FRMD5: variants seen among roughly 807,000 people sequenced by gnomAD.
The protein encoded by FRMD5 is FERM domain containing 5, also known as FERM domain-containing protein 5.
A neutral mutation model predicts 69.0 loss-of-function variants in FRMD5; 20 were observed. The ratio of observed to expected loss-of-function variants is 0.29; its 90% CI spans 0.20 to 0.42. The LOEUF (loss-of-function observed/expected upper bound fraction) is 0.42, where lower values mean the gene tolerates loss of function less well. FRMD5 is among the 10% of genes least tolerant of loss of function. The pLI is 1.00. For missense variants in FRMD5, 595 were observed against 708.6 expected (o/e 0.84, Z 1.82); for synonymous variants, 271 against 260.1 (o/e 1.04, Z -0.40).
intron 1 of FRMD5, among the ~76,000 whole-genome samples, chr15:44,117,674 T>C (rs1052851960): frequency 6.6e-6 from 1 of 152,346 alleles, no homozygotes; most frequent in Non-Finnish European, 1.5e-5. Context: ...CTTCTTTGCA[T>C]GCAATTCTGC....
intron 1 of FRMD5, among the ~76,000 whole-genome samples, chr15:44,112,936 C>G (rs898804160): frequency 1.3e-5 from 2 of 152,166 alleles, no homozygotes; most frequent in East Asian, 3.9e-4. Context: ...CTTTATAAGT[C>G]TTCTATTAAA....
At chr15:44,084,606 TC>T (rs1894119947) in intron 1 of FRMD5, among the ~76,000 whole-genome samples, 1 of 152,140 alleles carries the variant, frequency 6.6e-6, no homozygotes, top group South Asian at 2.1e-4. Context: ...TTGTATATTA[TC>T]CACATGATAG....
At chr15:44,142,288 G>A (rs2077285904) in intron 1 of FRMD5, among the ~76,000 whole-genome samples, 1 of 152,134 alleles carries the variant, frequency 6.6e-6, no homozygotes, top group South Asian at 2.1e-4. Flanking sequence ...GCTCAGTTTT[G>A]GTTTAGCTTT....
At chr15:44,181,759 A>T (rs957102947) in intron 1 of FRMD5, among the ~76,000 whole-genome samples, 1 of 152,130 alleles carries the variant, frequency 6.6e-6, no homozygotes, top group African/African-American at 2.4e-5. Context: ...TTTAAAAATT[A>T]GCTGGGCTTG....
chr15:43,902,575 T>C (rs2089072793), intron 6 of FRMD5, among the ~76,000 whole-genome samples: 1 of 150,832 alleles, frequency 6.6e-6, no homozygotes, highest in Admixed American at 6.6e-5. Context: ...GCCCACTACT[T>C]GGGAGGCTGA....
At chr15:43,875,381 T>A (rs1427211268) in intron 13 of FRMD5, among the ~76,000 whole-genome samples, 1 of 140,800 alleles carries the variant, frequency 7.1e-6, no homozygotes, top group African/African-American at 2.6e-5. Flanking sequence ...TATATATATA[T>A]ATATATATAT....
At chr15:43,982,057 G>A (rs1039039394) in intron 1 of FRMD5, among the ~76,000 whole-genome samples, 1 of 152,164 alleles carries the variant, frequency 6.6e-6, no homozygotes, top group African/African-American at 2.4e-5. Flanking sequence ...TATAATGATG[G>A]CATCTCCAAT....
Position 44,106,848 on chromosome 15 carries a change from C to T in FRMD5, c.102+88105G>A, listed in dbSNP as rs145661917. ...TAGTTTGCTGATGAAATACATTAGC[C>T]ATTCTCAAACTTTTTGGTCTCAGGA... On this transcript the variant is annotated intron_variant, in intron 1 of 13. Transcript: ENST00000417257. 8.0e-3 allele frequency among the ~76,000 whole-genome samples: 1,225 copies of T among 152,296 alleles called. 16 individuals carry two copies. Among genetic ancestry groups the T allele is most frequent in the Non-Finnish European group, 0.012 (830 of 68,014 alleles).
At chr15:44,149,793 T>C (rs2077414323) in intron 1 of FRMD5, among the ~76,000 whole-genome samples, 2 of 152,130 alleles carry the variant, frequency 1.3e-5, no homozygotes, top group Admixed American at 6.5e-5. Flanking sequence ...ACAGTTCTCA[T>C]TCTCATTCTA....
At chr15:44,134,584 G>A (rs1395593600) in intron 1 of FRMD5, among the ~76,000 whole-genome samples, 2 of 152,106 alleles carry the variant, frequency 1.3e-5, no homozygotes, top group Non-Finnish European at 2.9e-5. Flanking sequence ...GAGTAGCTGG[G>A]ATTACAGGCG....
intron 1 of FRMD5, among the ~76,000 whole-genome samples, chr15:44,017,448 C>A (rs1037478710): frequency 6.6e-6 from 1 of 151,756 alleles, no homozygotes; most frequent in Non-Finnish European, 1.5e-5. Flanking sequence ...TAAGGCCTTT[C>A]AAATTTTATT....
rs778718292 is a variant in FRMD5 at position 43,990,743 on chromosome 15, A to T, written c.103-66434T>A. ...CATGGAAAATGAAGAGAAGATAATA[A>T]TAACAGGTAAGAGACTAAAAAAACT... On this transcript the variant is annotated intron_variant, in intron 1 of 13. Transcript: ENST00000417257. Among the ~76,000 whole-genome samples the T allele has an allele frequency of 3.5e-4, 54 of 152,326 alleles. No homozygotes were observed. The South Asian group carries it at 5.6e-3, about 16-fold the overall frequency.
At chr15:44,150,090 ATT>A (rs1398179924) in intron 1 of FRMD5, among the ~76,000 whole-genome samples, 3 of 152,226 alleles carry the variant, frequency 2.0e-5, no homozygotes, top group African/African-American at 7.2e-5. Context: ...GCATAAAACT[ATT>A]TGACAAAAAT....
At position 43,951,347 on chromosome 15, in the gene FRMD5, A is replaced by G. The variant is rs562575193; in HGVS notation, c.103-27038T>C. 5.3e-4 allele frequency among the ~76,000 whole-genome samples: 81 copies of G among 151,540 alleles called. 1 individual carries two copies. In the South Asian group the frequency reaches 0.016, roughly 30 times the overall value. On this transcript the variant is annotated intron_variant, in intron 1 of 13. Coordinates refer to ENST00000417257, the MANE Select transcript of FRMD5 (RefSeq NM_032892.5). Reference sequence around the variant, plus strand: ...TGAGGCAGGAGAATGGTGTGAACCCAGGAGGCGGCACTTGCAGTGAGCCAA... The same window carrying G: ...TGAGGCAGGAGAATGGTGTGAACCCGGGAGGCGGCACTTGCAGTGAGCCAA...
chr15:44,018,766 C>G (rs1224317161), intron 1 of FRMD5, among the ~76,000 whole-genome samples: 1 of 152,206 alleles, frequency 6.6e-6, no homozygotes, highest in Non-Finnish European at 1.5e-5. Context: ...CAAGCCAGCA[C>G]TGTCTCCTTG....
chr15:43,971,421 G>A (rs1302207018), intron 1 of FRMD5, among the ~76,000 whole-genome samples: 1 of 151,618 alleles, frequency 6.6e-6, no homozygotes, highest in African/African-American at 2.4e-5. Context: ...ATTTCTGCCT[G>A]GTGCGGTGGC....
chr15:44,175,319 T>A (rs957310896), intron 1 of FRMD5, among the ~76,000 whole-genome samples: 2 of 152,184 alleles, frequency 1.3e-5, no homozygotes, highest in Admixed American at 1.3e-4. Context: ...ATGAACTCTT[T>A]CAAGTCTCTT....
At chr15:44,196,065 C>T (rs1368675858), upstream of FRMD5, among the ~76,000 whole-genome samples, 1 of 152,190 alleles carries the variant, frequency 6.6e-6, no homozygotes, top group Non-Finnish European at 1.5e-5. Context: ...GAATTGTCTC[C>T]TTCTCTTTGT....
At chr15:44,148,674 T>A (rs2077396010) in intron 1 of FRMD5, among the ~76,000 whole-genome samples, 1 of 152,166 alleles carries the variant, frequency 6.6e-6, no homozygotes, top group African/African-American at 2.4e-5. Flanking sequence ...TGTGTAAGCA[T>A]TTTTAGCAAT....
Sources: allele counts gnomAD v4.1 joint callset (sites outside exome capture counted in the v4.1 genomes callset), GRCh38; gene constraint gnomAD v4.1.1; transcripts MANE v1.5; gene names NCBI Gene and HGNC (gene_info 2026-07-23, HGNC 2026-07-21).